NRXN1: variants seen among roughly 807,000 people sequenced by gnomAD.
NRXN1 encodes the protein neurexin-1.
A neutral mutation model predicts 150.9 loss-of-function variants in NRXN1; 39 were observed. The observed-to-expected ratio is 0.26, with a 90% confidence interval of 0.20 to 0.34. NRXN1 has a LOEUF of 0.34. NRXN1 is among the 10% of genes least tolerant of loss of function. The pLI is 1.00. For synonymous variants in NRXN1, 924 were observed against 757.0 expected (o/e 1.22, Z -3.62); for missense variants, 1,815 against 1,949.9 (o/e 0.93, Z 1.30).
intron 15 of NRXN1, among the ~76,000 whole-genome samples, chr2:50,482,805 G>A (rs1361108435): frequency 6.6e-6 from 1 of 151,998 alleles, no homozygotes; most frequent in Non-Finnish European, 1.5e-5. Flanking sequence ...ATGCAATAAA[G>A]AATCTGGCCA....
At chr2:50,180,906 T>A (rs537969863) in intron 18 of NRXN1, among the ~76,000 whole-genome samples, 2 of 152,292 alleles carry the variant, frequency 1.3e-5, no homozygotes, top group Admixed American at 6.6e-5. Flanking sequence ...TTAATTTTTT[T>A]AAAAACAGTT....
At chr2:50,454,714 C>T (rs372402848) in intron 17 of NRXN1, among the ~76,000 whole-genome samples, 69 of 145,064 alleles carry the variant, frequency 4.8e-4, no homozygotes, top group Middle Eastern at 7.1e-3. Context: ...AGTTAATTAA[C>T]GGATCCTCCA....
At chr2:50,137,898 T>C (rs1317906135) in intron 18 of NRXN1, among the ~76,000 whole-genome samples, 1 of 152,232 alleles carries the variant, frequency 6.6e-6, no homozygotes, top group Non-Finnish European at 1.5e-5. Context: ...CCTCACGTTC[T>C]TAGATTTGGT....
chr2:50,392,877 G>C (rs1489631917), intron 17 of NRXN1, among the ~76,000 whole-genome samples: 1 of 152,074 alleles, frequency 6.6e-6, no homozygotes, highest in African/African-American at 2.4e-5. Context: ...CTAGCTACCA[G>C]GGAGGGTAAG....
intron 8 of NRXN1, among the ~76,000 whole-genome samples, chr2:50,572,264 G>A (rs1241022735): frequency 2.6e-5 from 4 of 152,156 alleles, no homozygotes; most frequent in Admixed American, 2.6e-4. Flanking sequence ...CTTAAAACAT[G>A]AGGTCAATAC....
At chr2:50,918,523 T>C in intron 5 of NRXN1, 1 of 366,900 alleles carries the variant, frequency 2.7e-6, no homozygotes, top group Middle Eastern at 7.1e-4. Flanking sequence ...CATTCGCTGA[T>C]AATTATTAAC....
chr2:50,217,089 A>G (rs1039827875), intron 18 of NRXN1, among the ~76,000 whole-genome samples: 4 of 152,092 alleles, frequency 2.6e-5, no homozygotes, highest in Admixed American at 1.3e-4. Flanking sequence ...GTGAAGATTA[A>G]TAAGGTAATT....
At chr2:50,690,424 C>T (rs1210732047) in intron 5 of NRXN1, among the ~76,000 whole-genome samples, 1 of 152,126 alleles carries the variant, frequency 6.6e-6, no homozygotes, top group Non-Finnish European at 1.5e-5. Context: ...AGAATGAAAA[C>T]CATCCAGAGG....
intron 21 of NRXN1, among the ~76,000 whole-genome samples, chr2:49,979,580 A>G (rs1679619040): frequency 6.6e-6 from 1 of 152,162 alleles, no homozygotes; most frequent in South Asian, 2.1e-4. Flanking sequence ...GTCATGATGA[A>G]TAGGATGCAT....
chr2:50,384,934 C>T (rs1201333921), intron 17 of NRXN1, among the ~76,000 whole-genome samples: 2 of 152,112 alleles, frequency 1.3e-5, no homozygotes, highest in African/African-American at 4.8e-5. Context: ...TTGGAACAGC[C>T]TTCCAATCAA....
intron 5 of NRXN1, among the ~76,000 whole-genome samples, chr2:50,895,915 C>T (rs1392846310): frequency 2.0e-5 from 3 of 151,824 alleles, no homozygotes; most frequent in Non-Finnish European, 4.4e-5. Flanking sequence ...ATTGACATTC[C>T]AAACGATTAT....
intron 5 of NRXN1, among the ~76,000 whole-genome samples, chr2:50,631,735 T>C (rs936533553): frequency 6.6e-6 from 1 of 151,972 alleles, no homozygotes; most frequent in African/African-American, 2.4e-5. Flanking sequence ...GGCCATTCTG[T>C]GTCTGGCTGG....
At chr2:49,991,443 T>A (rs1438846322) in intron 21 of NRXN1, among the ~76,000 whole-genome samples, 1 of 151,954 alleles carries the variant, frequency 6.6e-6, no homozygotes, top group Non-Finnish European at 1.5e-5. Context: ...AATGAACAAG[T>A]AATATTCAAA....
intron 17 of NRXN1, among the ~76,000 whole-genome samples, chr2:50,331,941 C>T (rs1401959580): frequency 2.0e-5 from 3 of 152,278 alleles, no homozygotes; most frequent in Non-Finnish European, 4.4e-5. Context: ...GCCCTACCCC[C>T]AGATTACTCA....
At position 50,346,981 on chromosome 2, in the gene NRXN1, G is replaced by T. The variant is rs1446478264; in HGVS notation, c.3365-110011C>A. ...GCGCCCGCCGAGGGGCAGCCGCCGC[G>T]GGAGGCAAAGTTTGGGGCGCGGGGA... On this transcript the variant is annotated intron_variant, in intron 17 of 22. Coordinates refer to ENST00000401669, the MANE Select transcript of NRXN1 (RefSeq NM_001330078.2). This position sits in a 1 kb window ranked among gnomAD's most constrained non-coding sequence, Gnocchi z 5.0. 6.6e-6 allele frequency: 9 copies of T among 1,359,816 alleles called. No individual in the cohort carries two copies. The highest frequency in any genetic ancestry group is 8.5e-6 in the Non-Finnish European group (9 of 1,056,766). 84.2% of individuals were successfully genotyped at this position (1,359,816 alleles called of 1,614,324 possible). A position where few individuals can be genotyped will look rare whatever the true frequency, so the allele number is the denominator to read the frequency against.
At chr2:50,254,690 A>AT (rs1157791451) in intron 17 of NRXN1, among the ~76,000 whole-genome samples, 16 of 152,180 alleles carry the variant, frequency 1.1e-4, no homozygotes, top group African/African-American at 3.6e-4. Context: ...GAAATAAAAA[A>AT]ATATAACTTT....
chr2:50,039,479 TA>T (rs5831070), intron 21 of NRXN1, among the ~76,000 whole-genome samples: 5,083 of 152,114 alleles, frequency 0.033, 288 homozygotes, highest in African/African-American at 0.12. Flanking sequence ...AGTAACTAAA[TA>T]AATAAGCAAA....
At chr2:50,859,985 T>C (rs1349844538) in intron 5 of NRXN1, among the ~76,000 whole-genome samples, 1 of 152,180 alleles carries the variant, frequency 6.6e-6, no homozygotes, top group East Asian at 1.9e-4. Flanking sequence ...GATAAATACC[T>C]ATCTCTTTGT....
chr2:50,001,568 C>T (rs1380264477), intron 21 of NRXN1, among the ~76,000 whole-genome samples: 2 of 152,032 alleles, frequency 1.3e-5, no homozygotes, highest in Non-Finnish European at 1.5e-5. Flanking sequence ...TGCCCAGCTG[C>T]GTGCTTTGGA....
Sources: gnomAD v4.1 joint callset for allele counts (sites outside exome capture counted in the v4.1 genomes callset) on GRCh38, gnomAD v4.1.1 for gene constraint, Gnocchi (gnomAD v3.1) non-coding constraint, MANE v1.5 for transcripts, NCBI Gene and HGNC (gene_info 2026-07-23, HGNC 2026-07-21) for gene names.